The following NELL1 variants were observed in gnomAD, a reference collection of about 807,000 sequenced individuals.
NELL1 encodes the protein protein kinase C-binding protein NELL1.
Under a neutral mutation model 107.4 loss-of-function variants are expected in NELL1, and 76 were observed. The observed-to-expected ratio is 0.71, with a 90% CI of 0.59 to 0.86. NELL1 has a LOEUF of 0.86. Among genes scored for constraint, NELL1 ranks in the 40% least tolerant of loss-of-function variants. The pLI is 0.00. For synonymous variants in NELL1, 353 were observed against 341.2 expected (o/e 1.03, Z -0.38); for missense variants, 1,024 against 1,005.5 (o/e 1.02, Z -0.25).
chr11:20,981,334 T>C (rs937320296), intron 12 of NELL1, among the ~76,000 whole-genome samples: 1 of 152,154 alleles, frequency 6.6e-6, no homozygotes, highest in Non-Finnish European at 1.5e-5. Flanking sequence ...GTAGGAATCA[T>C]AAGTCTGTTG....
At chr11:20,851,482 A>T (rs758307625) in intron 4 of NELL1, among the ~76,000 whole-genome samples, 6 of 152,214 alleles carry the variant, frequency 3.9e-5, no homozygotes, top group Non-Finnish European at 8.8e-5. Context: ...TACCTTTTAT[A>T]TTAAGAGTTG....
At chr11:21,074,531 A>G (rs1006193411) in intron 12 of NELL1, among the ~76,000 whole-genome samples, 1 of 152,170 alleles carries the variant, frequency 6.6e-6, no homozygotes, top group Non-Finnish European at 1.5e-5. Context: ...CCAGGTTTGG[A>G]TGCTGCTGAT....
At chr11:21,248,446 A>G (rs1359305942) in intron 14 of NELL1, among the ~76,000 whole-genome samples, 2 of 152,170 alleles carry the variant, frequency 1.3e-5, no homozygotes, top group Non-Finnish European at 2.9e-5. Context: ...TGAGGTGGAT[A>G]TAGGGATGGA....
chr11:21,547,830 C>A lies in NELL1; in HGVS notation c.1787-12359C>A, dbSNP rs142309608. ...TATGACTTCCTGCTTTATAGATAGA[C>A]AAACTGAAGAACAGTGAGGTCTGAA... On this transcript the variant is annotated intron_variant, in intron 16 of 19. Transcript: ENST00000357134. Among the ~76,000 whole-genome samples, 787 of 151,924 alleles carry A rather than the reference C, an allele frequency of 5.2e-3. 6 individuals are homozygous for A. The highest frequency in any genetic ancestry group is 0.01 in the Middle Eastern group (3 of 294).
rs138751011 is a variant in NELL1 at position 20,739,186 on chromosome 11, G to A, written c.185-44494G>A. 4.6e-5 allele frequency among the ~76,000 whole-genome samples: 7 copies of A among 152,314 alleles called. No homozygotes were observed. In the East Asian group the frequency reaches 1.4e-3, roughly 29 times the overall value. ...GGACGCACTGCCTGACAAAGAGCAG[G>A]GAACACGGCAACGTTGATCAGCAGA... On this transcript the variant is annotated intron_variant, in intron 2 of 19. Coordinates refer to ENST00000357134, the MANE Select transcript of NELL1 (RefSeq NM_006157.5).
At chr11:20,905,183 A>C (rs1228990028) in intron 5 of NELL1, among the ~76,000 whole-genome samples, 1 of 152,072 alleles carries the variant, frequency 6.6e-6, no homozygotes, top group Non-Finnish European at 1.5e-5. Flanking sequence ...GATTTCAGTT[A>C]CTACACATGA....
At chr11:21,366,220 A>C (rs1433110610) in intron 14 of NELL1, among the ~76,000 whole-genome samples, 1 of 152,122 alleles carries the variant, frequency 6.6e-6, no homozygotes, top group East Asian at 1.9e-4. Context: ...AAAAATGAAC[A>C]CAGAAGAAGG....
chr11:20,968,141 T>G (rs1320352758), intron 12 of NELL1, among the ~76,000 whole-genome samples: 1 of 152,218 alleles, frequency 6.6e-6, no homozygotes, highest in Non-Finnish European at 1.5e-5. Flanking sequence ...TTACCCCCTA[T>G]ACCATTTGAA....
intron 3 of NELL1, among the ~76,000 whole-genome samples, chr11:20,837,054 G>T (rs1317030243): frequency 6.6e-6 from 1 of 152,064 alleles, no homozygotes; most frequent in Non-Finnish European, 1.5e-5. Flanking sequence ...CCTCAACAAC[G>T]GGGATTGGGG....
chr11:20,937,076 T>TG (rs1850741950), intron 9 of NELL1, among the ~76,000 whole-genome samples: 1 of 152,224 alleles, frequency 6.6e-6, no homozygotes. Context: ...AATTGACATA[T>TG]GCTGTACTTG....
At position 21,101,798 on chromosome 11, in the gene NELL1, A is replaced by C. The variant is rs184539524; in HGVS notation, c.1301-11791A>C. ...CTCCCATTCTGTAGGTTGCCTGTTCACTCTGATGGTAGTTTATTTTGCTGT... is the reference window on the plus strand; with the variant it reads ...CTCCCATTCTGTAGGTTGCCTGTTCCCTCTGATGGTAGTTTATTTTGCTGT... On this transcript the variant is annotated intron_variant, in intron 12 of 19. Coordinates refer to ENST00000357134, the MANE Select transcript of NELL1 (RefSeq NM_006157.5). Among the ~76,000 whole-genome samples the C allele has an allele frequency of 2.0e-5, 3 of 151,996 alleles. No homozygotes were observed. The East Asian group carries it at 5.8e-4, about 29-fold the overall frequency.
intron 2 of NELL1, among the ~76,000 whole-genome samples, chr11:20,702,431 A>C (rs1021409094): frequency 6.6e-6 from 1 of 152,006 alleles, no homozygotes; most frequent in South Asian, 2.1e-4. Flanking sequence ...GGGTTTTCTA[A>C]ATATACAATC....
chr11:20,711,748 A>C (rs114260739), intron 2 of NELL1, among the ~76,000 whole-genome samples: 5,666 of 152,204 alleles, frequency 0.037, 358 homozygotes, highest in African/African-American at 0.13. Flanking sequence ...CTAAGAAATC[A>C]GCTGTTAATC....
At chr11:21,374,889 G>C (rs1218835342) in intron 15 of NELL1, among the ~76,000 whole-genome samples, 4 of 8,684 alleles carry the variant, frequency 4.6e-4, no homozygotes, top group African/African-American at 7.5e-4. Flanking sequence ...GTGTGTGTCT[G>C]TGTGTGTGTG....
At chr11:20,811,541 C>T (rs962192532) in intron 3 of NELL1, among the ~76,000 whole-genome samples, 2 of 152,022 alleles carry the variant, frequency 1.3e-5, no homozygotes, top group African/African-American at 2.4e-5. Flanking sequence ...GTAGTATGGA[C>T]ATTTAAACAA....
chr11:20,958,854 A>G (rs796795481), intron 11 of NELL1, among the ~76,000 whole-genome samples: 42 of 152,332 alleles, frequency 2.8e-4, no homozygotes, highest in African/African-American at 9.6e-4. Flanking sequence ...AAAACCCGCA[A>G]ATAGCTCAAA....
chr11:20,928,411 C>T lies in NELL1; in HGVS notation c.929C>T (p.Pro310Leu). The T allele has an allele frequency of 1.2e-6, 2 of 1,614,008 alleles. No individual in the cohort carries two copies. The highest frequency in any genetic ancestry group is 1.7e-6 in the Non-Finnish European group (2 of 1,179,942). The change falls in exon 9 of 20, where the codon CCC (proline) becomes CTC (leucine). Residue 310 changes from proline to leucine, a missense_variant. Coordinates refer to ENST00000357134, the MANE Select transcript of NELL1 (RefSeq NM_006157.5). Reference sequence around the variant, plus strand: ...GTGGAATGCCGAAGGATGTCCTGTCCCCCTCTCAATTGCTCCCCAGACTCC... The same window carrying T: ...GTGGAATGCCGAAGGATGTCCTGTCTCCCTCTCAATTGCTCCCCAGACTCC... ...GAVECRRMSCPPLNCSPDSLP... is the reference protein window; with the variant it reads ...GAVECRRMSCLPLNCSPDSLP...
At chr11:20,675,124 G>A (rs1481974100) in intron 1 of NELL1, among the ~76,000 whole-genome samples, 1 of 152,114 alleles carries the variant, frequency 6.6e-6, no homozygotes. Context: ...TCATGATGTG[G>A]AAGTAGACGA....
intron 16 of NELL1, among the ~76,000 whole-genome samples, chr11:21,551,747 G>C (rs1307157849): frequency 1.3e-5 from 2 of 151,224 alleles, no homozygotes; most frequent in African/African-American, 4.8e-5. Flanking sequence ...CAGGGATCTA[G>C]AACTAGAAAT....
Sources: gnomAD v4.1 joint callset for allele counts (sites outside exome capture counted in the v4.1 genomes callset) on GRCh38, gnomAD v4.1.1 for gene constraint, MANE v1.5 for transcripts, NCBI Gene and HGNC (gene_info 2026-07-23, HGNC 2026-07-21) for gene names.